ZCCHC7: variants seen among roughly 807,000 people sequenced by gnomAD.
The protein encoded by ZCCHC7 is zinc finger CCHC domain-containing protein 7.
Under a neutral mutation model 52.0 loss-of-function variants are expected in ZCCHC7, and 35 were observed. The observed-to-expected ratio is 0.67, with a 90% confidence interval of 0.51 to 0.89. The LOEUF (loss-of-function observed/expected upper bound fraction) is 0.89. ZCCHC7 is among the 40% of genes least tolerant of loss of function. The pLI is 0.00. For synonymous variants in ZCCHC7, 217 were observed against 221.5 expected (o/e 0.98, Z 0.18); for missense variants, 574 against 649.1 (o/e 0.88, Z 1.26).
intron 2 of ZCCHC7, among the ~76,000 whole-genome samples, chr9:37,151,505 G>A (rs576999586): frequency 2.6e-5 from 4 of 152,134 alleles, no homozygotes; most frequent in African/African-American, 9.6e-5. Flanking sequence ...TGTTAAATCT[G>A]TAACAAATTC....
chr9:37,230,214 A>G (rs1362067751), intron 2 of ZCCHC7, among the ~76,000 whole-genome samples: 3 of 152,200 alleles, frequency 2.0e-5, no homozygotes, highest in South Asian at 4.1e-4. Flanking sequence ...AAATAAATAA[A>G]CCAGAAACAG....
At chr9:37,175,300 C>T (rs928726427) in intron 2 of ZCCHC7, among the ~76,000 whole-genome samples, 8 of 152,092 alleles carry the variant, frequency 5.3e-5, no homozygotes, top group Admixed American at 5.2e-4. Context: ...CAGAATAGCA[C>T]CTCCAAACTG....
At chr9:37,151,933 A>G (rs1002980080) in intron 2 of ZCCHC7, among the ~76,000 whole-genome samples, 1 of 152,174 alleles carries the variant, frequency 6.6e-6, no homozygotes, top group Non-Finnish European at 1.5e-5. Context: ...CTACATTAGC[A>G]GTTCTTTATT....
Position 37,126,331 on chromosome 9 carries a change from T to A in ZCCHC7, c.-2T>A, listed in dbSNP as rs1318390070. Reference sequence around the variant, plus strand: ...TTGCAGCTTCAAGGTTACTGACTTTTTATGATGTTTGGTGGCTATGAGACT... The same window carrying A: ...TTGCAGCTTCAAGGTTACTGACTTTATATGATGTTTGGTGGCTATGAGACT... On this transcript the variant is annotated 5_prime_UTR_variant, in exon 2 of 9. Transcript: ENST00000336755. 6.2e-7 allele frequency: 1 copy of A among 1,606,778 alleles called. No homozygotes were observed.
At chr9:37,311,703 G>A (rs1052104306) in intron 5 of ZCCHC7, among the ~76,000 whole-genome samples, 30 of 152,106 alleles carry the variant, frequency 2.0e-4, no homozygotes, top group Non-Finnish European at 5.9e-5. Flanking sequence ...GAGCTACTGC[G>A]CCCGGCCTTT....
At chr9:37,220,087 A>G (rs1239082930) in intron 2 of ZCCHC7, among the ~76,000 whole-genome samples, 1 of 152,238 alleles carries the variant, frequency 6.6e-6, no homozygotes, top group African/African-American at 2.4e-5. Flanking sequence ...GTAAGGAAGT[A>G]ATGAAACATA....
intron 5 of ZCCHC7, among the ~76,000 whole-genome samples, chr9:37,316,251 G>T (rs1276071335): frequency 6.6e-6 from 1 of 151,648 alleles, no homozygotes; most frequent in African/African-American, 2.4e-5. Flanking sequence ...ATACAGATGG[G>T]GTTTCGCCAT....
chr9:37,123,557 C>G (rs960784693), intron 1 of ZCCHC7, among the ~76,000 whole-genome samples: 1 of 152,208 alleles, frequency 6.6e-6, no homozygotes, highest in African/African-American at 2.4e-5. Context: ...CATACATTCA[C>G]AGGTGTGCCT....
At chr9:37,231,448 C>T (rs898971145) in intron 2 of ZCCHC7, among the ~76,000 whole-genome samples, 8 of 152,074 alleles carry the variant, frequency 5.3e-5, no homozygotes, top group East Asian at 3.9e-4. Context: ...GTGTTGCTAT[C>T]GAGATCTGAT....
intron 5 of ZCCHC7, among the ~76,000 whole-genome samples, chr9:37,323,134 T>G (rs1588670833): frequency 6.6e-6 from 1 of 152,212 alleles, no homozygotes; most frequent in Non-Finnish European, 1.5e-5. Flanking sequence ...TGGATTAGAA[T>G]CCAGCCATTT....
intron 2 of ZCCHC7, among the ~76,000 whole-genome samples, chr9:37,165,016 A>G (rs945327701): frequency 6.6e-6 from 1 of 152,204 alleles, no homozygotes; most frequent in African/African-American, 2.4e-5. Flanking sequence ...ATATCTGTCT[A>G]TTTAGGTCTT....
At chr9:37,277,619 A>G (rs1408570090) in intron 2 of ZCCHC7, among the ~76,000 whole-genome samples, 2 of 152,320 alleles carry the variant, frequency 1.3e-5, no homozygotes, top group East Asian at 3.9e-4. Flanking sequence ...TTAGTATTTT[A>G]TGCTTGAGGG....
At chr9:37,226,960 C>T (rs940608728) in intron 2 of ZCCHC7, among the ~76,000 whole-genome samples, 10 of 141,498 alleles carry the variant, frequency 7.1e-5, no homozygotes, top group South Asian at 2.4e-4. Context: ...AACCTGGGGG[C>T]GGAGCTTGCA....
chr9:37,183,636 A>G (rs1444551208), intron 2 of ZCCHC7, among the ~76,000 whole-genome samples: 1 of 152,206 alleles, frequency 6.6e-6, no homozygotes, highest in Non-Finnish European at 1.5e-5. Flanking sequence ...AATTTGCTTC[A>G]GTTTACCAGG....
chr9:37,287,573 G>A (rs917412547), intron 2 of ZCCHC7, among the ~76,000 whole-genome samples: 6 of 152,256 alleles, frequency 3.9e-5, no homozygotes, highest in Admixed American at 3.9e-4. Context: ...GACGGTAACA[G>A]AGGCCAAGAC....
chr9:37,145,237 A>G (rs1316150993), intron 2 of ZCCHC7, among the ~76,000 whole-genome samples: 2 of 151,992 alleles, frequency 1.3e-5, no homozygotes, highest in Non-Finnish European at 2.9e-5. Flanking sequence ...TCAAATATGT[A>G]GACCTTGATT....
At chr9:37,308,099 AT>A (rs1829417560) in intron 5 of ZCCHC7, among the ~76,000 whole-genome samples, 1 of 152,228 alleles carries the variant, frequency 6.6e-6, no homozygotes, top group South Asian at 2.1e-4. Context: ...TTTAATTTGT[AT>A]TTCTTTGGTT....
intron 2 of ZCCHC7, among the ~76,000 whole-genome samples, chr9:37,272,554 T>C (rs1159118423): frequency 6.6e-6 from 1 of 151,528 alleles, no homozygotes; most frequent in Non-Finnish European, 1.5e-5. Context: ...CGCACATCCC[T>C]TCTCCACCAC....
At chr9:37,151,227 A>G (rs1188475989) in intron 2 of ZCCHC7, among the ~76,000 whole-genome samples, 1 of 151,784 alleles carries the variant, frequency 6.6e-6, no homozygotes, top group Non-Finnish European at 1.5e-5. Context: ...CGGCCTCCCA[A>G]AGTGCTGGGA....
Sources: allele counts gnomAD v4.1 joint callset (sites outside exome capture counted in the v4.1 genomes callset), GRCh38; gene constraint gnomAD v4.1.1; transcripts MANE v1.5; gene names NCBI Gene and HGNC (gene_info 2026-07-23, HGNC 2026-07-21).